DLGAP2: variants seen among roughly 807,000 people sequenced by gnomAD.
DLGAP2 encodes disks large-associated protein 2.
In DLGAP2, 26 loss-of-function variants were observed where a neutral mutation model predicts 100.3. That is an observed-to-expected ratio of 0.26 (90% CI 0.19 to 0.36). DLGAP2 has a LOEUF of 0.36. DLGAP2 is among the 10% of genes least tolerant of loss of function. The pLI is 1.00. For synonymous variants in DLGAP2, 886 were observed against 630.1 expected (o/e 1.41, Z -6.08); for missense variants, 1,858 against 1,453.2 (o/e 1.28, Z -4.53).
intron 3 of DLGAP2, among the ~76,000 whole-genome samples, chr8:1,329,556 G>A (rs1396799727): frequency 6.6e-6 from 1 of 152,154 alleles, no homozygotes; most frequent in African/African-American, 2.4e-5. Flanking sequence ...GTTCTATTTG[G>A]GGAAGTTCAA....
chr8:772,579 T>G (rs1292533490), intron 1 of DLGAP2, among the ~76,000 whole-genome samples: 2 of 152,224 alleles, frequency 1.3e-5, no homozygotes, highest in Non-Finnish European at 2.9e-5. Flanking sequence ...TGCCTCGGCC[T>G]CCCAAAGTGC....
At chr8:1,473,551 G>A (rs903098431) in intron 3 of DLGAP2, among the ~76,000 whole-genome samples, 1 of 152,258 alleles carries the variant, frequency 6.6e-6, no homozygotes, top group African/African-American at 2.4e-5. Flanking sequence ...AGGGGCTGGA[G>A]ACTGGGGAGG....
At chr8:1,387,915 G>A (rs921752413) in intron 3 of DLGAP2, among the ~76,000 whole-genome samples, 14 of 152,226 alleles carry the variant, frequency 9.2e-5, no homozygotes, top group African/African-American at 3.4e-4. Flanking sequence ...TCACCTGGGG[G>A]TCTGGAGCCC....
chr8:1,288,587 AGTGTGT>A lies in DLGAP2; in HGVS notation c.106+29720_106+29725del, dbSNP rs1156600747. The stretch of plus-strand genomic sequence containing the variant: ...TTAGGAGGGGAACTAGTTTCAGTTG[AGTGTGT>A]GTGTGTGTGTGTGTGGTAGGAGGGG... On this transcript the variant is annotated intron_variant, in intron 3 of 14. Coordinates refer to ENST00000637795, the MANE Select transcript of DLGAP2 (RefSeq NM_001346810.2). Among the ~76,000 whole-genome samples the A allele has an allele frequency of 3.4e-3, 402 of 119,812 alleles. 3 individuals carry two copies. Among genetic ancestry groups the A allele is most frequent in the Non-Finnish European group, 3.0e-3 (182 of 60,174 alleles). The allele number at this position is 119,812 out of a possible 152,430, so 78.6% of individuals were successfully genotyped here.
At chr8:1,134,165 A>G (rs1796354847) in intron 2 of DLGAP2, among the ~76,000 whole-genome samples, 1 of 152,202 alleles carries the variant, frequency 6.6e-6, no homozygotes, top group Admixed American at 6.5e-5. Flanking sequence ...TGCCAAGGAC[A>G]TGATCTTGTT....
chr8:1,218,962 TG>T (rs1451655506), intron 2 of DLGAP2, among the ~76,000 whole-genome samples: 1 of 152,208 alleles, frequency 6.6e-6, no homozygotes, highest in Non-Finnish European at 1.5e-5. Context: ...TATTAATTTT[TG>T]TACACTGAGT....
At chr8:1,149,993 G>C (rs1032099887) in intron 2 of DLGAP2, among the ~76,000 whole-genome samples, 1 of 152,144 alleles carries the variant, frequency 6.6e-6, no homozygotes, top group Non-Finnish European at 1.5e-5. Context: ...GTATGTTTAA[G>C]GTCAGTAAGA....
At chr8:763,004 G>A (rs1821125800) in intron 1 of DLGAP2, among the ~76,000 whole-genome samples, 1 of 152,050 alleles carries the variant, frequency 6.6e-6, no homozygotes, top group Non-Finnish European at 1.5e-5. Context: ...GTCCAGTAAT[G>A]ACAGTGGAGT....
At chr8:1,106,643 A>G (rs1003701131) in intron 2 of DLGAP2, among the ~76,000 whole-genome samples, 2 of 150,346 alleles carry the variant, frequency 1.3e-5, no homozygotes, top group African/African-American at 2.4e-5. Flanking sequence ...GAGCCATTCT[A>G]GGATGGTTTT....
chr8:762,841 C>T (rs999784629), intron 1 of DLGAP2, among the ~76,000 whole-genome samples: 1 of 152,010 alleles, frequency 6.6e-6, no homozygotes, highest in Non-Finnish European at 1.5e-5. Flanking sequence ...CTACACCAGG[C>T]TAGCTTTTGA....
intron 3 of DLGAP2, among the ~76,000 whole-genome samples, chr8:1,494,134 G>T (rs1243011220): frequency 1.3e-5 from 2 of 152,170 alleles, no homozygotes; most frequent in Non-Finnish European, 1.5e-5. Flanking sequence ...GACGAAAGTG[G>T]GTCATGTCCT....
intron 3 of DLGAP2, among the ~76,000 whole-genome samples, chr8:1,482,010 G>C (rs1044858183): frequency 6.6e-6 from 1 of 152,236 alleles, no homozygotes; most frequent in African/African-American, 2.4e-5. Flanking sequence ...GTGGAACCAG[G>C]TCTGTGTTCC....
intron 2 of DLGAP2, among the ~76,000 whole-genome samples, chr8:1,058,716 A>C (rs1585021469): frequency 1.3e-5 from 2 of 152,226 alleles, no homozygotes; most frequent in African/African-American, 4.8e-5. Flanking sequence ...TCACCTCTTA[A>C]GACAGATTGG....
At chr8:1,489,339 C>G (rs954425305) in intron 3 of DLGAP2, among the ~76,000 whole-genome samples, 1 of 152,188 alleles carries the variant, frequency 6.6e-6, no homozygotes, top group African/African-American at 2.4e-5. Flanking sequence ...GCACCGGTGA[C>G]TGGCGGAGTG....
rs561464036 is a variant in DLGAP2 at position 1,412,967 on chromosome 8, G to A, written c.107-88399G>A. On this transcript the variant is annotated intron_variant, in intron 3 of 14. Coordinates refer to ENST00000637795, the MANE Select transcript of DLGAP2 (RefSeq NM_001346810.2). ...ACCCAGCTCAAGTGTCCCCTCCTCC[G>A]TAAAACAGACTTGCCCTTCCTGACC... Among the ~76,000 whole-genome samples, 92 of 152,174 alleles carry A rather than the reference G, an allele frequency of 6.0e-4. No homozygotes were observed. In the South Asian group the frequency reaches 0.01, roughly 17 times the overall value.
chr8:1,156,102 C>T (rs1367486536), intron 2 of DLGAP2, among the ~76,000 whole-genome samples: 3 of 152,280 alleles, frequency 2.0e-5, no homozygotes, highest in South Asian at 2.1e-4. Context: ...ACAGCCGAGC[C>T]CTGTTTCAGG....
At chr8:1,624,869 G>GTCTCTCTCTCTT (rs59084397) in intron 6 of DLGAP2, among the ~76,000 whole-genome samples, 61,202 of 149,602 alleles carry the variant, frequency 0.41, 14,846 homozygotes, top group African/African-American at 0.69. Flanking sequence ...CTCTCTCTCT[G>GTCTCTCTCTCTT]TCTCTCTCTC....
chr8:1,509,977 C>G (rs1468801693), intron 4 of DLGAP2, among the ~76,000 whole-genome samples: 1 of 152,158 alleles, frequency 6.6e-6, no homozygotes, highest in Non-Finnish European at 1.5e-5. Flanking sequence ...AGACAGATGT[C>G]CACGTTAACT....
chr8:1,414,668 G>A (rs1325160897), intron 3 of DLGAP2, among the ~76,000 whole-genome samples: 1 of 141,864 alleles, frequency 7.0e-6, no homozygotes, highest in African/African-American at 2.8e-5. Flanking sequence ...GGCGTCCTCT[G>A]CCCTCAGCGT....
Sources: allele counts gnomAD v4.1 joint callset (sites outside exome capture counted in the v4.1 genomes callset), GRCh38; gene constraint gnomAD v4.1.1; transcripts MANE v1.5; gene names NCBI Gene and HGNC (gene_info 2026-07-23, HGNC 2026-07-21).